Variants in GLB1L2 observed in about 807,000 individuals in gnomAD.
The protein encoded by GLB1L2 is galactosidase beta 1 like 2.
GLB1L2 carries 68 observed loss-of-function variants against 84.1 expected under a neutral mutation model. The ratio of observed to expected loss-of-function variants is 0.81; its 90% confidence interval spans 0.67 to 0.99. GLB1L2 has a LOEUF of 0.99. Among genes scored for constraint, GLB1L2 ranks in the 50% least tolerant of loss-of-function variants. The pLI is 0.00. For missense variants in GLB1L2, 762 were observed against 805.6 expected, an observed-to-expected ratio of 0.95 and a Z score of 0.66; for synonymous variants, 290 against 318.0, an observed-to-expected ratio of 0.91 and a Z score of 0.94.
chr11:134,374,837 C>A, intron 18 of GLB1L2, 119 bp downstream of exon 18: 1 of 1,155,946 alleles, frequency 8.7e-7, no homozygotes, highest in Non-Finnish European at 1.3e-6. Context: ...CTCCTCGCTG[C>A]AGACGAGTTG....
Position 134,373,739 on chromosome 11 carries a change from A to G in GLB1L2, c.1526A>G (p.Tyr509Cys). 8 of 1,612,096 alleles carry G rather than the reference A, an allele frequency of 5.0e-6. No individual in the cohort carries two copies. Among genetic ancestry groups the G allele is most frequent in the South Asian group, 1.1e-5 (1 of 90,976 alleles). The change falls in exon 16 of 19, where the codon TAT (tyrosine) becomes TGT (cysteine). Residue 509 changes from tyrosine to cysteine, a missense_variant. Around this residue, in one of 3 missense-constraint regions of GLB1L2, gnomAD observed 603 missense variants for 611.7 expected, o/e 0.99. Coordinates refer to ENST00000535456, the MANE Select transcript of GLB1L2 (RefSeq NM_001370461.1). The part of the protein sequence containing the change: ...DQRKGLIGNL[Y>C]LNDSPLKNFR... ...CCCACAGGCTTAATTGGAAATCTCTATCTGAATGATTCACCCCTGAAAAAC... is the reference window on the plus strand; with the variant it reads ...CCCACAGGCTTAATTGGAAATCTCTGTCTGAATGATTCACCCCTGAAAAAC...
chr11:134,368,782 G>GC lies in GLB1L2; in HGVS notation c.1027+2dup. The stretch of plus-strand genomic sequence containing the variant: ...TACAAGTCAGATGTCACCAGCTATG[G>GC]CAAGTATTCATCAGCACTGCTCTCC... On this transcript the variant is annotated splice_donor_variant, in intron 10 of 18. Coordinates refer to ENST00000535456, the MANE Select transcript of GLB1L2 (RefSeq NM_001370461.1). LOFTEE classifies it high-confidence loss of function. 6.2e-7 allele frequency: 1 copy of GC among 1,613,470 alleles called. No homozygotes were observed. Among genetic ancestry groups the GC allele is most frequent in the Non-Finnish European group, 8.5e-7 (1 of 1,179,866 alleles).
intron 1 of GLB1L2, among the ~76,000 whole-genome samples, 174 bp from the exon 2 acceptor site, chr11:134,342,580 C>G (rs1315740196): frequency 1.3e-5 from 2 of 152,234 alleles, no homozygotes; most frequent in Admixed American, 6.5e-5. Flanking sequence ...CGCGGGGCCC[C>G]GTGCTGAAGA....
At chr11:134,355,146 A>T (rs552859572) in intron 5 of GLB1L2, among the ~76,000 whole-genome samples, 1 of 152,136 alleles carries the variant, frequency 6.6e-6, no homozygotes, top group Non-Finnish European at 1.5e-5. Flanking sequence ...TTTTCAATTT[A>T]TATATGGTAT....
intron 6 of GLB1L2, among the ~76,000 whole-genome samples, chr11:134,357,579 G>C (rs1468103258): frequency 6.6e-6 from 1 of 152,256 alleles, no homozygotes; most frequent in Non-Finnish European, 1.5e-5. Context: ...CTCAGCGGTT[G>C]TTGACTCAGT....
chr11:134,367,443 C>T, intron 9 of GLB1L2, 102 bp downstream of exon 9: 1 of 929,824 alleles, frequency 1.1e-6, no homozygotes. Flanking sequence ...GGGTGCAAGG[C>T]TGCTGGGATT....
At chr11:134,349,947 C>T (rs998305903) in intron 5 of GLB1L2, among the ~76,000 whole-genome samples, 1 of 152,200 alleles carries the variant, frequency 6.6e-6, no homozygotes, top group Admixed American at 6.5e-5. Context: ...GGCCTCTTGA[C>T]TCTGCCGGCG....
chr11:134,374,329 C>T (rs1449730525), intron 17 of GLB1L2, 73 bp downstream of exon 17: 11 of 1,222,882 alleles, frequency 9.0e-6, no homozygotes, highest in East Asian at 4.7e-5. Flanking sequence ...GCCAAAGCCA[C>T]GAGCTTGGCG....
intron 3 of GLB1L2, 66 bp from the exon 4 acceptor site, chr11:134,344,968 G>C: frequency 6.5e-7 from 1 of 1,532,248 alleles, no homozygotes; most frequent in Non-Finnish European, 8.9e-7. Context: ...CCTGTGATGC[G>C]CGTGGCCCCC....
chr11:134,361,654 C>T (rs1441607699), intron 7 of GLB1L2: 1 of 152,414 alleles, frequency 6.6e-6, no homozygotes, highest in Non-Finnish European at 1.5e-5. Flanking sequence ...TCGCAGATGC[C>T]TGTCGATGGT....
intron 6 of GLB1L2, 26 bp from the exon 7 acceptor site, chr11:134,359,034 G>A (rs765528931): frequency 7.1e-6 from 11 of 1,546,598 alleles, no homozygotes; most frequent in South Asian, 2.5e-5. Flanking sequence ...CAGGGCAGAC[G>A]AGGGCTTGTC....
intron 8 of GLB1L2, among the ~76,000 whole-genome samples, chr11:134,365,335 G>C (rs1161939219): frequency 1.3e-5 from 2 of 152,232 alleles, no homozygotes; most frequent in Non-Finnish European, 2.9e-5. Flanking sequence ...ACGCAGATCA[G>C]GCGCGATCCA....
chr11:134,333,529 G>A (rs191166499), intron 1 of GLB1L2, among the ~76,000 whole-genome samples: 4 of 152,350 alleles, frequency 2.6e-5, no homozygotes, highest in East Asian at 3.9e-4. Flanking sequence ...ACAGGAGTCC[G>A]TGCAGGGGAC....
intron 6 of GLB1L2, 43 bp downstream of exon 6, chr11:134,356,436 G>T (rs921385998): frequency 5.4e-5 from 76 of 1,420,254 alleles, no homozygotes; most frequent in Non-Finnish European, 7.6e-5. Context: ...CCTTCCTCTG[G>T]AGTGTGCTAT....
At position 134,374,229 on chromosome 11, in the gene GLB1L2, C is replaced by A. The variant is rs3741097; in HGVS notation, c.1680C>A (p.Thr560=). 8 of 1,612,684 alleles carry A rather than the reference C, an allele frequency of 5.0e-6. No individual in the cohort carries two copies. The highest frequency in any genetic ancestry group is 1.1e-5 in the South Asian group (1 of 91,042). ...TGGGTAGCTTGTCCATCAGCTCCAC[C>A]CCTTGTGACACCTTTCTGAAGCTGG... ...FFLGSLSISS[T]PCDTFLKLEG... Residue 560 remains threonine, a synonymous_variant, in exon 17 of 19, where the codon ACC becomes ACA. Transcript: ENST00000535456.
At position 134,334,699 on chromosome 11, in the gene GLB1L2, T is replaced by C. The variant is rs1323408773; in HGVS notation, c.86+2552T>C. On this transcript the variant is annotated intron_variant, in intron 1 of 18. Transcript: ENST00000535456. This position sits in a 1 kb window ranked among gnomAD's most constrained non-coding sequence, Gnocchi z 4.1. ...CCCCAAGCAACCACTGATCTGTTGC[T>C]TTCCGACACGATATATTGGTTTGCA... Among the ~76,000 whole-genome samples, 1 of 152,178 alleles carries C rather than the reference T, an allele frequency of 6.6e-6. No individual in the cohort carries two copies. Among genetic ancestry groups the C allele is most frequent in the African/African-American group, 2.4e-5 (1 of 41,430 alleles).
chr11:134,365,845 A>G lies in GLB1L2; in HGVS notation c.805-1412A>G, dbSNP rs372550990. Among the ~76,000 whole-genome samples the G allele has an allele frequency of 2.4e-3, 369 of 152,286 alleles. 2 individuals carry two copies. Among genetic ancestry groups the G allele is most frequent in the African/African-American group, 8.2e-3 (339 of 41,580 alleles). On this transcript the variant is annotated intron_variant, in intron 8 of 18. Transcript: ENST00000535456. ...GCCTCCAGGTGTGCTCCATGTGGCG[A>G]TGTCCGATAGCACCTCACTCGTCCT... is the stretch of plus-strand genomic sequence containing the variant.
intron 7 of GLB1L2, among the ~76,000 whole-genome samples, chr11:134,363,132 T>A (rs1255464637): frequency 6.6e-6 from 1 of 152,140 alleles, no homozygotes; most frequent in Non-Finnish European, 1.5e-5. Context: ...TCAAAGGGCT[T>A]CTGGCTTGAG....
chr11:134,361,100 G>T (rs542604332), intron 7 of GLB1L2: 8 of 151,982 alleles, frequency 5.3e-5, no homozygotes, highest in African/African-American at 1.9e-4. Flanking sequence ...GCAGTGAGCC[G>T]AGATTGCACC....
Sources: allele counts gnomAD v4.1 joint callset (sites outside exome capture counted in the v4.1 genomes callset), GRCh38; gene constraint gnomAD v4.1.1; regional missense constraint gnomAD v4.1.1; non-coding constraint Gnocchi (gnomAD v3.1); transcripts MANE v1.5; gene names NCBI Gene and HGNC (gene_info 2026-07-23, HGNC 2026-07-21).